Variants in SORCS1 observed in about 807,000 individuals in gnomAD.
SORCS1 encodes the protein VPS10 domain-containing receptor SorCS1.
A neutral mutation model predicts 146.1 loss-of-function variants in SORCS1; 60 were observed. The observed-to-expected ratio is 0.41, with a 90% CI of 0.33 to 0.51. SORCS1 has a LOEUF of 0.51. Ranked by LOEUF, SORCS1 falls within the 20% of genes least tolerant of loss-of-function variation. SORCS1 has a pLI of 0.21. For missense variants in SORCS1, 1,352 were observed against 1,487.6 expected (o/e 0.91, Z 1.50); for synonymous variants, 637 against 584.0 (o/e 1.09, Z -1.31).
At chr10:106,825,599 T>A (rs530636509) in intron 3 of SORCS1, among the ~76,000 whole-genome samples, 157 of 152,144 alleles carry the variant, frequency 1.0e-3, no homozygotes, top group African/African-American at 3.6e-3. Flanking sequence ...TTGCTACATT[T>A]GTATTAGTTC....
At chr10:106,872,424 A>G (rs1950446521) in intron 2 of SORCS1, among the ~76,000 whole-genome samples, 1 of 152,224 alleles carries the variant, frequency 6.6e-6, no homozygotes, top group African/African-American at 2.4e-5. Flanking sequence ...ATTCACCACG[A>G]TAACTGTGCC....
intron 1 of SORCS1, among the ~76,000 whole-genome samples, chr10:107,090,792 T>C (rs1403141256): frequency 1.3e-5 from 2 of 152,174 alleles, no homozygotes; most frequent in Non-Finnish European, 2.9e-5. Context: ...GGTTAGCCAG[T>C]AAGATTCTGA....
chr10:106,989,023 G>T (rs545563693), intron 1 of SORCS1, among the ~76,000 whole-genome samples: 1 of 151,780 alleles, frequency 6.6e-6, no homozygotes, highest in African/African-American at 2.4e-5. Context: ...CACTTTGAGA[G>T]GCTGAGGCAG....
intron 1 of SORCS1, among the ~76,000 whole-genome samples, chr10:107,045,965 T>G (rs898031110): frequency 6.6e-6 from 1 of 151,738 alleles, no homozygotes; most frequent in East Asian, 1.9e-4. Context: ...TTTTCTTTTT[T>G]GAAACGGAGT....
At chr10:106,686,307 T>C (rs1852831367) in intron 10 of SORCS1, among the ~76,000 whole-genome samples, 1 of 152,188 alleles carries the variant, frequency 6.6e-6, no homozygotes, top group African/African-American at 2.4e-5. Flanking sequence ...TTTCTGACAC[T>C]GCGTTGGGGG....
At chr10:106,831,201 CA>C (rs900784114) in intron 2 of SORCS1, among the ~76,000 whole-genome samples, 6 of 150,558 alleles carry the variant, frequency 4.0e-5, no homozygotes, top group African/African-American at 1.5e-4. Context: ...GACTCCATCT[CA>C]AAAAAAATAA....
chr10:106,813,240 C>G (rs970103664), intron 3 of SORCS1, among the ~76,000 whole-genome samples: 3 of 147,160 alleles, frequency 2.0e-5, no homozygotes, highest in African/African-American at 7.5e-5. Context: ...TCAAGCTACT[C>G]TCCTGCCTCA....
At chr10:106,934,046 A>T (rs1449333840) in intron 2 of SORCS1, among the ~76,000 whole-genome samples, 1 of 150,082 alleles carries the variant, frequency 6.7e-6, no homozygotes, top group African/African-American at 2.5e-5. Context: ...GTGAGTCGAG[A>T]TCACACCACT....
intron 1 of SORCS1, among the ~76,000 whole-genome samples, chr10:107,154,696 AAAC>A (rs1408245420): frequency 1.3e-5 from 2 of 152,226 alleles, no homozygotes; most frequent in Non-Finnish European, 2.9e-5. Context: ...GCAGAAACAG[AAAC>A]AACATCATGA....
intron 2 of SORCS1, among the ~76,000 whole-genome samples, chr10:106,947,569 C>A (rs111402333): frequency 6.6e-6 from 1 of 152,230 alleles, no homozygotes; most frequent in Non-Finnish European, 1.5e-5. Flanking sequence ...ACAGGCTGGG[C>A]GCGGTGGCTC....
At chr10:106,744,323 T>G (rs574906302) in intron 5 of SORCS1, among the ~76,000 whole-genome samples, 32 of 152,262 alleles carry the variant, frequency 2.1e-4, no homozygotes, top group African/African-American at 7.5e-4. Flanking sequence ...GCCAGGATGG[T>G]CTCAATCTCC....
intron 1 of SORCS1, among the ~76,000 whole-genome samples, chr10:107,067,985 A>G (rs1459815606): frequency 6.6e-6 from 1 of 152,192 alleles, no homozygotes; most frequent in South Asian, 2.1e-4. Flanking sequence ...AAAGAAAAAT[A>G]AACAGAAACG....
At chr10:107,004,256 C>T (rs6584777) in intron 1 of SORCS1, among the ~76,000 whole-genome samples, 61,982 of 150,368 alleles carry the variant, frequency 0.41, 15,516 homozygotes, top group African/African-American at 0.71. Flanking sequence ...GTTTGTATTC[C>T]TAAACAGGTC....
chr10:106,969,156 A>G lies in SORCS1; in HGVS notation c.559-12576T>C, dbSNP rs375481228. ...CCCACGGAGGTTAAGTGATTTTTAT[A>G]TATTCCTTGTCTTTTAGTCACAGAA... On this transcript the variant is annotated intron_variant, in intron 1 of 25. Transcript: ENST00000263054. 3.3e-5 allele frequency among the ~76,000 whole-genome samples: 5 copies of G among 152,358 alleles called. No individual in the cohort carries two copies. In the South Asian group the frequency reaches 6.2e-4, roughly 19 times the overall value.
intron 8 of SORCS1, among the ~76,000 whole-genome samples, chr10:106,702,466 T>C (rs964043442): frequency 1.3e-5 from 2 of 152,202 alleles, no homozygotes; most frequent in African/African-American, 4.8e-5. Flanking sequence ...GTAAAGTGCA[T>C]CACCTATACC....
In SORCS1 at chr10:107,078,364, C is replaced by T. The variant is rs17122053; in HGVS notation, c.558+85605G>A. On this transcript the variant is annotated intron_variant, in intron 1 of 25. Coordinates refer to ENST00000263054, the MANE Select transcript of SORCS1 (RefSeq NM_052918.5). ...GCCTAGTTCTAGCTCAGATTTCAGA[C>T]AATTCAAAATAAGATTAGAAATGAG... is the stretch of plus-strand genomic sequence containing the variant. 5.8e-3 allele frequency among the ~76,000 whole-genome samples: 880 copies of T among 152,284 alleles called. 6 individuals carry two copies. Among genetic ancestry groups the T allele is most frequent in the African/African-American group, 0.02 (836 of 41,566 alleles).
At chr10:106,953,141 T>C (rs1954775550) in intron 2 of SORCS1, among the ~76,000 whole-genome samples, 4 of 91,704 alleles carry the variant, frequency 4.4e-5, no homozygotes, top group Middle Eastern at 9.0e-3. Context: ...TCTGTGGGTA[T>C]AGTGTGTGTG....
intron 1 of SORCS1, among the ~76,000 whole-genome samples, chr10:107,021,226 T>C (rs1185501454): frequency 6.6e-6 from 1 of 151,918 alleles, no homozygotes; most frequent in African/African-American, 2.4e-5. Context: ...AGAATATGCA[T>C]ATTTGGCCAG....
At chr10:106,843,700 G>A (rs191952769) in intron 2 of SORCS1, among the ~76,000 whole-genome samples, 57 of 152,260 alleles carry the variant, frequency 3.7e-4, no homozygotes, top group African/African-American at 1.3e-3. Flanking sequence ...CCCCCAAAGT[G>A]CTGGGATTAC....
Sources: allele counts gnomAD v4.1 joint callset (sites outside exome capture counted in the v4.1 genomes callset), GRCh38; gene constraint gnomAD v4.1.1; transcripts MANE v1.5; gene names NCBI Gene and HGNC (gene_info 2026-07-23, HGNC 2026-07-21).